Variants in FPR1 observed in about 807,000 individuals in gnomAD.
FPR1 encodes formyl peptide receptor 1.
For missense variants in FPR1, 407 were observed against 453.0 expected, an observed-to-expected ratio of 0.90 and a Z score of 0.92; for synonymous variants, 193 against 176.7, an observed-to-expected ratio of 1.09 and a Z score of -0.73.
intron 1 of FPR1, among the ~76,000 whole-genome samples, chr19:51,747,694 G>A (rs1247954067): frequency 1.3e-5 from 2 of 152,112 alleles, no homozygotes; most frequent in Admixed American, 6.6e-5. Flanking sequence ...CCTCCCTATA[G>A]CCAAAAGGTA....
Position 51,746,329 on chromosome 19 carries a change from C to T in FPR1, c.666G>A (p.Gly222=), listed in dbSNP as rs1489707199. The T allele has an allele frequency of 3.1e-6, 5 of 1,612,602 alleles. No individual in the cohort carries two copies. In the South Asian group the frequency reaches 3.3e-5, roughly 11 times the overall value. The change falls in exon 2 of 2, where the codon GGG becomes GGA. Residue 222 remains glycine, a synonymous_variant. Transcript: ENST00000304748. This position sits in a 1 kb window ranked among gnomAD's most constrained non-coding sequence, Gnocchi z 4.3. The part of the protein sequence containing the change: ...APMSIVAVSY[G]LIATKIHKQG... Reference sequence around the variant, plus strand: ...GCTTGTGGATCTTGGTGGCAATAAGCCCATAACTGACAGCAACGATGGACA... The same window carrying T: ...GCTTGTGGATCTTGGTGGCAATAAGTCCATAACTGACAGCAACGATGGACA...
chr19:51,746,597 G>A lies in FPR1; in HGVS notation c.398C>T (p.Thr133Ile). Residue 133 changes from threonine to isoleucine, a missense_variant, in exon 2 of 2, where the codon ACC becomes ATC. Thr to Ile is a moderately conservative substitution (Grantham distance 89). Coordinates refer to ENST00000304748, the MANE Select transcript of FPR1 (RefSeq NM_002029.4). This position sits in a 1 kb window ranked among gnomAD's most constrained non-coding sequence, Gnocchi z 4.3. ...CAGGCTCACGGTGCGGTGGTTCTGG[G>A]TCCAGACTGGATGCAGGACGCAAAC... Reference protein sequence around the residue: ...RCVCVLHPVWTQNHRTVSLAK... With the variant: ...RCVCVLHPVWIQNHRTVSLAK... The A allele has an allele frequency of 1.2e-6, 2 of 1,614,168 alleles. No homozygotes were observed. Among genetic ancestry groups the A allele is most frequent in the Non-Finnish European group, 8.5e-7 (1 of 1,180,024 alleles).
chr19:51,747,925 G>A (rs1000001897), intron 1 of FPR1, among the ~76,000 whole-genome samples: 1 of 152,144 alleles, frequency 6.6e-6, no homozygotes, highest in African/African-American at 2.4e-5. Flanking sequence ...GGTTGCTTGA[G>A]CTCAGGAGTT....
chr19:51,746,451 G>A lies in FPR1; in HGVS notation c.544C>T (p.Pro182Ser), dbSNP rs2083745945. 6.2e-7 allele frequency: 1 copy of A among 1,614,124 alleles called. No individual in the cohort carries two copies. Among genetic ancestry groups the A allele is most frequent in the Non-Finnish European group, 8.5e-7 (1 of 1,180,034 alleles). ...GTVACTFNFSPWTNDPKERIN... is the reference protein window; with the variant it reads ...GTVACTFNFSSWTNDPKERIN... ...CTCTCTTTAGGGTCGTTGGTCCAGG[G>A]CGAAAAGTTAAAAGTGCAGGCTACT... Residue 182 changes from proline to serine, a missense_variant, in exon 2 of 2, where the codon CCC becomes TCC. Transcript: ENST00000304748. This position sits in a 1 kb window ranked among gnomAD's most constrained non-coding sequence, Gnocchi z 4.3.
chr19:51,748,618 G>A (rs949467958), intron 1 of FPR1, among the ~76,000 whole-genome samples: 8 of 152,068 alleles, frequency 5.3e-5, no homozygotes, highest in African/African-American at 1.9e-4. Flanking sequence ...TTGCCACCAT[G>A]CCCAGCTAAT....
rs1465049705 is a variant in FPR1, at chr19:51,746,530, G to A, written c.465C>T (p.Leu155=). The part of the protein sequence containing the change: ...VIIGPWVMAL[L]LTLPVIIRVT... ...CACGAATGATAACTGGCAATGTGAG[G>A]AGCAGAGCCATCACCCAGGGCCCAA... The change falls in exon 2 of 2, where the codon CTC becomes CTT. Residue 155 remains leucine (L), a synonymous_variant. Transcript: ENST00000304748. This position sits in a 1 kb window ranked among gnomAD's most constrained non-coding sequence, Gnocchi z 4.3. The A allele has an allele frequency of 1.9e-6, 3 of 1,614,060 alleles. No individual in the cohort carries two copies. The highest frequency in any genetic ancestry group is 1.3e-5 in the African/African-American group (1 of 74,914).
At position 51,746,521 on chromosome 19, in the gene FPR1, C is replaced by T. The variant is rs753449716; in HGVS notation, c.474G>A (p.Leu158=). The stretch of plus-strand genomic sequence containing the variant: ...CTGTAGTCACACGAATGATAACTGG[C>T]AATGTGAGGAGCAGAGCCATCACCC... ...GPWVMALLLT[L]PVIIRVTTVP... Residue 158 remains leucine, a synonymous_variant, in exon 2 of 2, where the codon TTG becomes TTA. Transcript: ENST00000304748. This position sits in a 1 kb window ranked among gnomAD's most constrained non-coding sequence, Gnocchi z 4.3. 1.7e-5 allele frequency: 27 copies of T among 1,614,022 alleles called. No individual in the cohort carries two copies. Among genetic ancestry groups the T allele is most frequent in the Non-Finnish European group, 2.3e-5 (27 of 1,180,028 alleles).
rs149702405 is a variant in FPR1 at position 51,748,799 on chromosome 19, T to C, written c.-11-1794A>G. 1.8e-3 allele frequency among the ~76,000 whole-genome samples: 276 copies of C among 152,254 alleles called. 1 individual carries two copies. The highest frequency in any genetic ancestry group is 6.1e-3 in the African/African-American group (254 of 41,546). On this transcript the variant is annotated intron_variant, in intron 1 of 1. Coordinates refer to ENST00000304748, the MANE Select transcript of FPR1 (RefSeq NM_002029.4). ...TTTTTGTATTTTACCATCAATTTAATAAAGGAAAAATAAGAGCATAAGATA... is the reference window on the plus strand; with the variant it reads ...TTTTTGTATTTTACCATCAATTTAACAAAGGAAAAATAAGAGCATAAGATA...
intron 1 of FPR1, among the ~76,000 whole-genome samples, chr19:51,749,574 T>C (rs1347097846): frequency 2.0e-5 from 3 of 152,236 alleles, no homozygotes; most frequent in Non-Finnish European, 2.9e-5. Context: ...GTATTGGATA[T>C]GACATTTCAT....
Position 51,746,959 on chromosome 19 carries a change from A to G in FPR1, c.36T>C (p.Ser12=), listed in dbSNP as rs2083752106. The G allele has an allele frequency of 6.2e-7, 1 of 1,613,864 alleles. No homozygotes were observed. The highest frequency in any genetic ancestry group is 1.3e-5 in the African/African-American group (1 of 75,028). The change falls in exon 2 of 2, where the codon TCT becomes TCC. Residue 12 remains serine (S), a synonymous_variant. Coordinates refer to ENST00000304748, the MANE Select transcript of FPR1 (RefSeq NM_002029.4). The surrounding 1 kb of genome is among the most constrained non-coding windows in gnomAD (Gnocchi z 4.3). ...CAGCAGATACAGCAGGTGTCCCTCCAGAGATGTTCGTGGGGAGAGAGGAAT... is the reference window on the plus strand; with the variant it reads ...CAGCAGATACAGCAGGTGTCCCTCCGGAGATGTTCGTGGGGAGAGAGGAAT... The part of the protein sequence containing the change: ...ETNSSLPTNI[S]GGTPAVSAGY...
rs374785407 is a variant in FPR1 at position 51,746,149 on chromosome 19, T to A, written c.846A>T (p.Ala282=). The A allele has an allele frequency of 7.4e-6, 12 of 1,614,074 alleles. No individual in the cohort carries two copies. The African/African-American group carries it at 1.6e-4, about 22-fold the overall frequency. The change falls in exon 2 of 2, where the codon GCA becomes GCT. Residue 282 remains alanine (A), a synonymous_variant. Coordinates refer to ENST00000304748, the MANE Select transcript of FPR1 (RefSeq NM_002029.4). The surrounding 1 kb of genome is among the most constrained non-coding windows in gnomAD (Gnocchi z 4.3). The part of the protein sequence containing the change: ...LQGMYKEIGI[A]VDVTSALAFF... The stretch of plus-strand genomic sequence containing the variant: ...AGGCCAGGGCACTTGTCACATCCAC[T>A]GCAATACCAATTTCTTTGTACATGC...
chr19:51,750,190 A>C (rs561683380), intron 1 of FPR1: 2 of 152,330 alleles, frequency 1.3e-5, no homozygotes, highest in East Asian at 3.9e-4. Context: ...TGTCTAATGC[A>C]CTAGTCACTC....
rs201541948 is a variant in FPR1 at position 51,746,207 on chromosome 19, A to G, written c.788T>C (p.Ile263Thr). Residue 263 changes from isoleucine (I) to threonine (T), a missense_variant, in exon 2 of 2, where the codon ATA (isoleucine) becomes ACA (threonine). By Grantham distance (89) the Ile-to-Thr change is moderately conservative. Transcript: ENST00000304748. The surrounding 1 kb of genome is among the most constrained non-coding windows in gnomAD (Gnocchi z 4.3). Reference sequence around the variant, plus strand: ...TAACTCACGGATTCTGACTGTGGCTATAAGGGCCACCACCTGATATGGGGA... The same window carrying G: ...TAACTCACGGATTCTGACTGTGGCTGTAAGGGCCACCACCTGATATGGGGA... ...CWSPYQVVAL[I>T]ATVRIRELLQ... The G allele has an allele frequency of 6.2e-7, 1 of 1,614,162 alleles. No homozygotes were observed. Among genetic ancestry groups the G allele is most frequent in the African/African-American group, 1.3e-5 (1 of 75,030 alleles).
rs751640032 is a variant in FPR1 at position 51,746,904 on chromosome 19, G to C, written c.91C>G (p.Leu31Val). ...GYLFLDIITY[L>V]VFAVTFVLGV... ...AGGACAAAGGTGACTGCAAATACCA[G>C]ATAAGTGATGATATCCAGGAAGAGA... The change falls in exon 2 of 2, where the codon CTG (leucine) becomes GTG (valine). Residue 31 changes from leucine to valine, a missense_variant. Coordinates refer to ENST00000304748, the MANE Select transcript of FPR1 (RefSeq NM_002029.4). This position sits in a 1 kb window ranked among gnomAD's most constrained non-coding sequence, Gnocchi z 4.3. The C allele has an allele frequency of 6.2e-7, 1 of 1,614,142 alleles. No individual in the cohort carries two copies. Among genetic ancestry groups the C allele is most frequent in the South Asian group, 1.1e-5 (1 of 91,082 alleles).
At chr19:51,750,443 A>G (rs1034828448) in intron 1 of FPR1, among the ~76,000 whole-genome samples, 4 of 152,208 alleles carry the variant, frequency 2.6e-5, no homozygotes, top group African/African-American at 9.6e-5. Flanking sequence ...TGCCTACTTG[A>G]CACTTTGAAA....
intron 1 of FPR1, 68 bp downstream of exon 1, chr19:51,751,746 A>G (rs943889059): frequency 1.3e-5 from 2 of 152,152 alleles, no homozygotes; most frequent in Non-Finnish European, 2.9e-5. Context: ...CAAAGAGTCT[A>G]TTGTGTTCAC....
intron 1 of FPR1, among the ~76,000 whole-genome samples, chr19:51,747,412 T>C (rs2083755429): frequency 6.6e-6 from 1 of 152,040 alleles, no homozygotes. Flanking sequence ...GAGGTGGGGT[T>C]TTGCCATGTT....
downstream of FPR1, chr19:51,745,530 T>A (rs2083737153): frequency 5.6e-6 from 1 of 180,178 alleles, no homozygotes; most frequent in African/African-American, 2.4e-5. Context: ...CTCCTTCATT[T>A]ACCTAGGATG....
chr19:51,748,955 G>A (rs568129277), intron 1 of FPR1, among the ~76,000 whole-genome samples: 3 of 152,152 alleles, frequency 2.0e-5, no homozygotes, highest in South Asian at 2.1e-4. Flanking sequence ...AGTGGCTCAC[G>A]CCTGTAATCC....
Sources: allele counts gnomAD v4.1 joint callset (sites outside exome capture counted in the v4.1 genomes callset), GRCh38; gene constraint gnomAD v4.1.1; non-coding constraint Gnocchi (gnomAD v3.1); transcripts MANE v1.5; gene names NCBI Gene and HGNC (gene_info 2026-07-23, HGNC 2026-07-21).